The following ZEB2 variants were observed in gnomAD, a reference collection of about 807,000 sequenced individuals.
ZEB2 encodes zinc finger E-box binding homeobox 2, also known as zinc finger E-box-binding homeobox 2.
A neutral mutation model predicts 99.9 loss-of-function variants in ZEB2; 6 were observed. The observed-to-expected ratio is 0.06, with a 90% CI of 0.03 to 0.12. ZEB2 has a LOEUF of 0.12. ZEB2 is among the 10% of genes least tolerant of loss of function. The pLI is 1.00. For synonymous variants in ZEB2, 517 were observed against 542.5 expected, an observed-to-expected ratio of 0.95 and a Z score of 0.65; for missense variants, 969 against 1,502.8, an observed-to-expected ratio of 0.64 and a Z score of 5.87.
At chr2:144,426,496 T>TA (rs756209717) in intron 3 of ZEB2, 1 of 143,060 alleles carries the variant, frequency 7.0e-6, no homozygotes, top group South Asian at 2.3e-4. Flanking sequence ...GGAAAACAGT[T>TA]AACAGCATTT....
intron 2 of ZEB2, among the ~76,000 whole-genome samples, chr2:144,475,035 GC>G (rs1183504557): frequency 6.6e-6 from 1 of 152,118 alleles, no homozygotes; most frequent in Non-Finnish European, 1.5e-5. Context: ...AACTCCAAAA[GC>G]TTTTTGTAAG....
At chr2:144,469,353 C>T (rs1249570944) in intron 2 of ZEB2, among the ~76,000 whole-genome samples, 1 of 152,132 alleles carries the variant, frequency 6.6e-6, no homozygotes, top group Non-Finnish European at 1.5e-5. Flanking sequence ...CCAACTAACA[C>T]ACTGCCTTCG....
chr2:144,436,502 G>A (rs1237514982), intron 2 of ZEB2, among the ~76,000 whole-genome samples: 1 of 152,172 alleles, frequency 6.6e-6, no homozygotes, highest in Non-Finnish European at 1.5e-5. Flanking sequence ...GCAATGCCAT[G>A]GTTGCAGTGG....
chr2:144,498,064 T>C lies in ZEB2; in HGVS notation c.73+19214A>G, dbSNP rs201390101. On this transcript the variant is annotated intron_variant, in intron 2 of 9. Coordinates refer to ENST00000627532, the MANE Select transcript of ZEB2 (RefSeq NM_014795.4). ...TTAATATTATATATTATATAATATA[T>C]ATTAATATTATATATTATATAATAT... 1.9e-3 allele frequency among the ~76,000 whole-genome samples: 109 copies of C among 57,864 alleles called. 20 individuals carry two copies. The highest frequency in any genetic ancestry group is 8.0e-3 in the African/African-American group (102 of 12,820). 38.0% of individuals were successfully genotyped at this position (57,864 alleles called of 152,430 possible).
intron 2 of ZEB2, among the ~76,000 whole-genome samples, chr2:144,443,475 T>C (rs1334519957): frequency 1.3e-5 from 2 of 152,220 alleles, no homozygotes; most frequent in Non-Finnish European, 2.9e-5. Context: ...TTATACTTCC[T>C]GTAAGATTAA....
intron 3 of ZEB2, chr2:144,427,125 AT>A (rs918367028): frequency 4.2e-4 from 64 of 152,332 alleles, no homozygotes; most frequent in African/African-American, 1.5e-3. Context: ...TGGGATGAAG[AT>A]TTGTAAAAAT....
At chr2:144,463,981 G>A (rs905183131) in intron 2 of ZEB2, 3 of 152,170 alleles carry the variant, frequency 2.0e-5, no homozygotes, top group Non-Finnish European at 2.9e-5. Context: ...TGGATACTGA[G>A]GCTCAGGGAA....
At chr2:144,481,528 T>C (rs1329632508) in intron 2 of ZEB2, among the ~76,000 whole-genome samples, 3 of 152,198 alleles carry the variant, frequency 2.0e-5, no homozygotes, top group African/African-American at 4.8e-5. Context: ...GGTACACTTT[T>C]AGAACATTCA....
intron 8 of ZEB2, among the ~76,000 whole-genome samples, chr2:144,397,648 T>C (rs1303399665): frequency 2.6e-5 from 4 of 152,330 alleles, no homozygotes; most frequent in African/African-American, 7.2e-5. Flanking sequence ...TTTATATTTA[T>C]TTATTTATTT....
At chr2:144,404,548 T>C (rs1344237275) in intron 5 of ZEB2, among the ~76,000 whole-genome samples, 2 of 152,126 alleles carry the variant, frequency 1.3e-5, no homozygotes, top group Non-Finnish European at 2.9e-5. Flanking sequence ...TTTTTTTTCC[T>C]CAAAAGTAAA....
At chr2:144,403,026 G>A (rs1452770862) in intron 6 of ZEB2, among the ~76,000 whole-genome samples, 3 of 152,254 alleles carry the variant, frequency 2.0e-5, no homozygotes, top group African/African-American at 7.2e-5. Flanking sequence ...CAGACATGGT[G>A]TCAAGACTTA....
chr2:144,425,919 TG>T (rs997940393), intron 3 of ZEB2, among the ~76,000 whole-genome samples: 4 of 152,200 alleles, frequency 2.6e-5, no homozygotes, highest in African/African-American at 9.6e-5. Context: ...AAATCTGTCC[TG>T]GTCATTCTTT....
In ZEB2 at chr2:144,389,020, A is replaced by C. The variant is rs1255446297; in HGVS notation, c.*431T>G. 3 of 394,634 alleles carry C rather than the reference A, an allele frequency of 7.6e-6. No homozygotes were observed. The East Asian group carries it at 1.8e-4, about 24-fold the overall frequency. 24.4% of individuals were successfully genotyped at this position (394,634 alleles called of 1,614,324 possible). ...TGATGCATTGTAGTGCGAGCACATT[A>C]AATTAAAAAGGAATAACAATAATAA... On this transcript the variant is annotated 3_prime_UTR_variant, in exon 10 of 10. Transcript: ENST00000627532. The surrounding 1 kb of genome is among the most constrained non-coding windows in gnomAD (Gnocchi z 6.8).
intron 2 of ZEB2, among the ~76,000 whole-genome samples, chr2:144,460,532 T>G (rs757629418): frequency 1.8e-4 from 27 of 152,154 alleles, no homozygotes; most frequent in Non-Finnish European, 7.3e-5. Flanking sequence ...GGATGAATAT[T>G]CACATTGCTG....
At chr2:144,396,200 A>G (rs1703227297) in intron 9 of ZEB2, among the ~76,000 whole-genome samples, 1 of 152,232 alleles carries the variant, frequency 6.6e-6, no homozygotes, top group Non-Finnish European at 1.5e-5. Flanking sequence ...AATAACTGGA[A>G]AGATATTAAG....
intron 2 of ZEB2, chr2:144,463,853 C>CA (rs912366406): frequency 4.8e-5 from 7 of 144,410 alleles, no homozygotes; most frequent in African/African-American, 1.3e-4. Context: ...AAACAAAAAA[C>CA]AAAAAACAAA....
At chr2:144,430,475 A>T (rs563668020) in intron 2 of ZEB2, 1 of 209,820 alleles carries the variant, frequency 4.8e-6, no homozygotes, top group East Asian at 1.4e-4. Flanking sequence ...TTTTCCCTAG[A>T]AACAGTAGAC....
At chr2:144,459,975 C>T (rs1362471401) in intron 2 of ZEB2, among the ~76,000 whole-genome samples, 1 of 151,968 alleles carries the variant, frequency 6.6e-6, no homozygotes, top group Admixed American at 6.6e-5. Flanking sequence ...AAGGAGAGAT[C>T]CTGAAGAAAA....
At chr2:144,490,967 C>A (rs1169652399) in intron 2 of ZEB2, among the ~76,000 whole-genome samples, 1 of 152,246 alleles carries the variant, frequency 6.6e-6, no homozygotes, top group Non-Finnish European at 1.5e-5. Context: ...TGACTTGATA[C>A]CCAATAATGG....
Sources: gnomAD v4.1 joint callset for allele counts (sites outside exome capture counted in the v4.1 genomes callset) on GRCh38, gnomAD v4.1.1 for gene constraint, Gnocchi (gnomAD v3.1) non-coding constraint, MANE v1.5 for transcripts, NCBI Gene and HGNC (gene_info 2026-07-23, HGNC 2026-07-21) for gene names.